PLXDC2: variants seen among roughly 807,000 people sequenced by gnomAD.
PLXDC2 encodes plexin domain-containing protein 2.
PLXDC2 carries 40 observed loss-of-function variants against 68.9 expected under a neutral mutation model. The observed-to-expected ratio is 0.58, with a 90% CI of 0.45 to 0.76. The LOEUF is 0.76. PLXDC2 is among the 30% of genes least tolerant of loss of function. The pLI, the probability that PLXDC2 is intolerant of heterozygous loss-of-function variation, is 0.00. For synonymous variants in PLXDC2, 243 were observed against 234.2 expected (o/e 1.04, Z -0.34); for missense variants, 644 against 661.9 (o/e 0.97, Z 0.30).
chr10:20,026,062 G>T (rs1177711032), intron 2 of PLXDC2, among the ~76,000 whole-genome samples: 1 of 151,986 alleles, frequency 6.6e-6, no homozygotes, highest in Non-Finnish European at 1.5e-5. Context: ...CTCTAATGTA[G>T]AGTATTCGAT....
rs1589577378 is a variant in PLXDC2 at position 19,998,355 on chromosome 10, G to A, written c.113-3420G>A. Among the ~76,000 whole-genome samples, 3 of 152,000 alleles carry A rather than the reference G, an allele frequency of 2.0e-5. No individual in the cohort carries two copies. In the East Asian group the frequency reaches 5.8e-4, roughly 29 times the overall value. ...TTCTGTAAAACATATATTTTGACTT[G>A]TTTTATCTTCTCTAAAAATCATTTA... On this transcript the variant is annotated intron_variant, in intron 1 of 13. Transcript: ENST00000377252.
chr10:20,082,298 G>A (rs1261399758), intron 4 of PLXDC2, among the ~76,000 whole-genome samples: 2 of 151,484 alleles, frequency 1.3e-5, no homozygotes, highest in East Asian at 3.9e-4. Context: ...CAAAAATTTT[G>A]ACAAAGGTAT....
chr10:19,884,201 CT>C (rs754278725), intron 1 of PLXDC2, among the ~76,000 whole-genome samples: 3 of 151,772 alleles, frequency 2.0e-5, no homozygotes, highest in Non-Finnish European at 2.9e-5. Flanking sequence ...CCGGCCTAAA[CT>C]TTTCAAAAGT....
chr10:20,146,049 T>C (rs1834073355), intron 5 of PLXDC2, among the ~76,000 whole-genome samples: 1 of 152,110 alleles, frequency 6.6e-6, no homozygotes, highest in Admixed American at 6.6e-5. Context: ...AGGAAACGGG[T>C]TCATGCAGAT....
chr10:20,052,575 C>G (rs1282382049), intron 3 of PLXDC2, among the ~76,000 whole-genome samples: 1 of 151,838 alleles, frequency 6.6e-6, no homozygotes, highest in African/African-American at 2.4e-5. Context: ...TGCTCTTGTT[C>G]TCGTTGACAT....
intron 4 of PLXDC2, among the ~76,000 whole-genome samples, chr10:20,107,309 G>T (rs1833505162): frequency 6.6e-6 from 1 of 152,034 alleles, no homozygotes; most frequent in African/African-American, 2.4e-5. Context: ...TAGAAACTGT[G>T]TCTGTGTTGT....
At chr10:19,960,894 T>G (rs1162772920) in intron 1 of PLXDC2, among the ~76,000 whole-genome samples, 1 of 152,212 alleles carries the variant, frequency 6.6e-6, no homozygotes, top group Non-Finnish European at 1.5e-5. Context: ...CCCTGGAAAC[T>G]AAGAATATAA....
intron 1 of PLXDC2, among the ~76,000 whole-genome samples, chr10:19,982,697 T>A (rs557491073): frequency 1.1e-4 from 17 of 152,174 alleles, no homozygotes; most frequent in Non-Finnish European, 1.9e-4. Flanking sequence ...ACCCAGCATC[T>A]AGTAAACATG....
chr10:19,817,164 G>A lies in PLXDC2; in HGVS notation c.85G>A (p.Asp29Asn). 6.4e-7 allele frequency: 1 copy of A among 1,574,174 alleles called. No homozygotes were observed. Among genetic ancestry groups the A allele is most frequent in the African/African-American group, 1.4e-5 (1 of 73,942 alleles). Residue 29 changes from aspartate (D) to asparagine (N), a missense_variant, in exon 1 of 14, where the codon GAT (aspartate) becomes AAT (asparagine). This residue lies in a region of PLXDC2 where 201 missense variants were observed against 166.9 expected (regional missense o/e 1.20). Transcript: ENST00000377252. The stretch of plus-strand genomic sequence containing the variant: ...CTTCACGGACCAGTTTCAGTTCGCC[G>A]ATGGGAAACCCGGAGACCAAATCCT... ...HFFTDQFQFADGKPGDQILDW... is the reference protein window; with the variant it reads ...HFFTDQFQFANGKPGDQILDW...
intron 2 of PLXDC2, among the ~76,000 whole-genome samples, chr10:20,014,193 C>G (rs558329713): frequency 8.2e-5 from 12 of 145,816 alleles, no homozygotes; most frequent in Admixed American, 2.1e-4. Context: ...CCCTCCCTCC[C>G]TTGTTTCCTT....
chr10:19,852,966 A>G (rs993690098), intron 1 of PLXDC2, among the ~76,000 whole-genome samples: 36 of 152,240 alleles, frequency 2.4e-4, no homozygotes, highest in Non-Finnish European at 4.9e-4. Flanking sequence ...CTAAGTGAAA[A>G]TACTTTTTAC....
At chr10:19,968,405 C>T (rs111313209) in intron 1 of PLXDC2, among the ~76,000 whole-genome samples, 237 of 152,262 alleles carry the variant, frequency 1.6e-3, no homozygotes, top group African/African-American at 5.4e-3. Context: ...CTCCGCCTCC[C>T]AGGTTCAACT....
At chr10:20,111,447 T>C (rs1443841793) in intron 4 of PLXDC2, among the ~76,000 whole-genome samples, 2 of 152,226 alleles carry the variant, frequency 1.3e-5, no homozygotes, top group Non-Finnish European at 2.9e-5. Flanking sequence ...AATAATTATC[T>C]TGTGATTCAG....
intron 4 of PLXDC2, among the ~76,000 whole-genome samples, chr10:20,076,981 A>G (rs1836462506): frequency 1.3e-5 from 2 of 152,200 alleles, no homozygotes; most frequent in Admixed American, 6.5e-5. Flanking sequence ...AGCATGGTTT[A>G]TAACTGGGTA....
intron 4 of PLXDC2, among the ~76,000 whole-genome samples, chr10:20,098,467 G>C (rs967770040): frequency 6.6e-6 from 1 of 151,642 alleles, no homozygotes; most frequent in African/African-American, 2.4e-5. Flanking sequence ...GAGAATCCAG[G>C]ATGTTCTCCC....
chr10:20,078,954 AGAG>A (rs564026557), intron 4 of PLXDC2, among the ~76,000 whole-genome samples: 34 of 152,324 alleles, frequency 2.2e-4, no homozygotes, highest in African/African-American at 7.7e-4. Context: ...GAAGAAAACT[AGAG>A]AAGAATTATT....
chr10:20,175,500 A>G (rs1326206550), intron 7 of PLXDC2, among the ~76,000 whole-genome samples: 1 of 151,850 alleles, frequency 6.6e-6, no homozygotes, highest in Non-Finnish European at 1.5e-5. Context: ...TGGGCAACAT[A>G]GCAAGACCCT....
At chr10:20,020,178 ATTTTTT>A (rs71388889) in intron 2 of PLXDC2, among the ~76,000 whole-genome samples, 3 of 107,350 alleles carry the variant, frequency 2.8e-5, no homozygotes, top group Admixed American at 1.0e-4. Context: ...CACCCAGCAA[ATTTTTT>A]TTTTTTTTTT....
chr10:20,106,012 T>G (rs1173180682), intron 4 of PLXDC2, among the ~76,000 whole-genome samples: 1 of 152,218 alleles, frequency 6.6e-6, no homozygotes, highest in Non-Finnish European at 1.5e-5. Flanking sequence ...CAGTGGTTAT[T>G]TTGTATCAGA....
Sources: allele counts gnomAD v4.1 joint callset (sites outside exome capture counted in the v4.1 genomes callset), GRCh38; gene constraint gnomAD v4.1.1; regional missense constraint gnomAD v4.1.1; transcripts MANE v1.5; gene names NCBI Gene and HGNC (gene_info 2026-07-23, HGNC 2026-07-21).